The following GREB1L variants were observed in gnomAD, a reference collection of about 807,000 sequenced individuals.
GREB1L encodes GREB1 like retinoic acid receptor coactivator.
Under a neutral mutation model 200.8 loss-of-function variants are expected in GREB1L, and 17 were observed. The ratio of observed to expected loss-of-function variants is 0.08; its 90% CI spans 0.06 to 0.13. The LOEUF is 0.13. Ranked by LOEUF, GREB1L falls within the 10% of genes least tolerant of loss-of-function variation. The pLI is 1.00. For missense variants in GREB1L, 1,657 were observed against 2,367.7 expected (o/e 0.70, Z 6.23); for synonymous variants, 789 against 893.0 (o/e 0.88, Z 2.08).
chr18:21,291,818 G>A (rs922985681), intron 1 of GREB1L, among the ~76,000 whole-genome samples: 53 of 152,232 alleles, frequency 3.5e-4, no homozygotes, highest in African/African-American at 1.2e-3. Context: ...GCCCCTGGCC[G>A]TACGTGCAGG....
intron 8 of GREB1L, among the ~76,000 whole-genome samples, chr18:21,439,850 A>G (rs1336159139): frequency 3.3e-5 from 5 of 152,234 alleles, no homozygotes; most frequent in Non-Finnish European, 5.9e-5. Context: ...TGTTGAAACA[A>G]ATGTATAAGG....
chr18:21,520,706 A>G lies in GREB1L; in HGVS notation c.5491A>G (p.Ser1831Gly). The part of the protein sequence containing the change: ...IGPEVAICYI[S>G]SRPHSSNVNC... Reference sequence around the variant, plus strand: ...ATTTCAGGTGGCCATATGCTATATCAGCTCCAGACCCCACTCCAGCAATGT... The same window carrying G: ...ATTTCAGGTGGCCATATGCTATATCGGCTCCAGACCCCACTCCAGCAATGT... Residue 1831 changes from serine (S) to glycine (G), a missense_variant, in exon 32 of 33, where the codon AGC becomes GGC. Physicochemically the swap from Ser to Gly is moderately conservative, Grantham distance 56. Around this residue, in one of 9 missense-constraint regions of GREB1L, gnomAD observed 190 missense variants for 230.2 expected, o/e 0.83. Coordinates refer to ENST00000424526, the MANE Select transcript of GREB1L (RefSeq NM_001142966.3). 1 of 1,551,642 alleles carries G rather than the reference A, an allele frequency of 6.4e-7. No individual in the cohort carries two copies. The highest frequency in any genetic ancestry group is 8.7e-7 in the Non-Finnish European group (1 of 1,146,972).
intron 4 of GREB1L, among the ~76,000 whole-genome samples, chr18:21,391,099 A>AAAGT (rs1170991138): frequency 2.0e-5 from 3 of 152,250 alleles, no homozygotes; most frequent in Non-Finnish European, 2.9e-5. Context: ...CAGCATTTAC[A>AAAGT]AAGTGTACAG....
chr18:21,445,420 G>T (rs1314011157), intron 11 of GREB1L, among the ~76,000 whole-genome samples: 2 of 152,020 alleles, frequency 1.3e-5, no homozygotes, highest in Non-Finnish European at 2.9e-5. Context: ...GTTGCAGTGA[G>T]CCCAGATCAC....
chr18:21,518,112 C>A lies in GREB1L; in HGVS notation c.5350C>A (p.Pro1784Thr). Reference sequence around the variant, plus strand: ...CAGTGAACACACACTACTGGCAGCCCCTGCACAGTTTCTCCTGGAGAAATT... The same window carrying A: ...CAGTGAACACACACTACTGGCAGCCACTGCACAGTTTCTCCTGGAGAAATT... ...PDSEHTLLAA[P>T]AQFLLEKFLQ... Residue 1784 changes from proline (P) to threonine (T), a missense_variant, in exon 31 of 33, where the codon CCT (proline) becomes ACT (threonine). By Grantham distance (38) the Pro-to-Thr change is conservative. Coordinates refer to ENST00000424526, the MANE Select transcript of GREB1L (RefSeq NM_001142966.3). 6.4e-7 allele frequency: 1 copy of A among 1,551,586 alleles called. No homozygotes were observed. The highest frequency in any genetic ancestry group is 8.7e-7 in the Non-Finnish European group (1 of 1,146,926).
chr18:21,489,434 T>C (rs1202555655), intron 18 of GREB1L, among the ~76,000 whole-genome samples: 1 of 152,210 alleles, frequency 6.6e-6, no homozygotes, highest in Non-Finnish European at 1.5e-5. Flanking sequence ...AATTACCCTT[T>C]TTATGTCTAA....
At chr18:21,252,157 A>G (rs35796589) in intron 1 of GREB1L, among the ~76,000 whole-genome samples, 7,610 of 152,342 alleles carry the variant, frequency 0.05, 236 homozygotes, top group Non-Finnish European at 0.073. Context: ...ATAGTAAACT[A>G]TCACTTGATA....
intron 1 of GREB1L, among the ~76,000 whole-genome samples, chr18:21,295,239 C>T (rs912116016): frequency 3.3e-5 from 5 of 152,146 alleles, no homozygotes; most frequent in African/African-American, 1.2e-4. Flanking sequence ...TGAATGGGCT[C>T]CTGTGACCAT....
rs2040418351 is a variant in GREB1L, at chr18:21,383,694, C to T, written c.157+19C>T. ...TCTGCAGGTAAGTTTCTCAATCACA[C>T]ACATTTCTGGATTCTTTTTTTTTGT... On this transcript the variant is annotated intron_variant, in intron 3 of 32. Transcript: ENST00000424526. 2.6e-6 allele frequency: 4 copies of T among 1,546,414 alleles called. No individual in the cohort carries two copies. The African/African-American group carries it at 4.1e-5, about 16-fold the overall frequency.
At chr18:21,359,399 G>A (rs547994677) in intron 1 of GREB1L, among the ~76,000 whole-genome samples, 4 of 152,240 alleles carry the variant, frequency 2.6e-5, no homozygotes, top group South Asian at 4.2e-4. Context: ...GCAGTGAGCC[G>A]AGATTGTGCC....
chr18:21,370,398 A>C (rs1051161858), intron 2 of GREB1L, among the ~76,000 whole-genome samples: 1 of 152,222 alleles, frequency 6.6e-6, no homozygotes, highest in African/African-American at 2.4e-5. Flanking sequence ...AAGAACAAAA[A>C]TATGTAATAG....
intron 1 of GREB1L, among the ~76,000 whole-genome samples, chr18:21,277,234 A>G (rs1488120986): frequency 2.0e-5 from 3 of 152,082 alleles, no homozygotes; most frequent in Non-Finnish European, 4.4e-5. Flanking sequence ...GGCCCAGCCC[A>G]GCCTTTTGAA....
chr18:21,340,077 A>G (rs1435518531), intron 1 of GREB1L, among the ~76,000 whole-genome samples: 1 of 152,142 alleles, frequency 6.6e-6, no homozygotes, highest in Non-Finnish European at 1.5e-5. Flanking sequence ...ATGCTACAGG[A>G]ATATAATTGT....
chr18:21,428,698 C>T (rs1207832431), intron 7 of GREB1L, among the ~76,000 whole-genome samples: 6 of 134,942 alleles, frequency 4.4e-5, no homozygotes, highest in Admixed American at 2.3e-4. Context: ...ATGGCATGAT[C>T]GCGGTTTATC....
At chr18:21,514,706 G>A (rs1377205023) in intron 28 of GREB1L, among the ~76,000 whole-genome samples, 1 of 152,236 alleles carries the variant, frequency 6.6e-6, no homozygotes, top group African/African-American at 2.4e-5. Context: ...CAAAGTGTTG[G>A]GATTACCAAG....
intron 1 of GREB1L, among the ~76,000 whole-genome samples, chr18:21,338,343 T>G (rs2039218859): frequency 2.0e-5 from 3 of 152,254 alleles, no homozygotes; most frequent in African/African-American, 7.2e-5. Context: ...AAATTCTGAA[T>G]GTAAAGAGTG....
intron 1 of GREB1L, among the ~76,000 whole-genome samples, chr18:21,253,171 T>A (rs1227202710): frequency 6.6e-6 from 1 of 152,216 alleles, no homozygotes. Flanking sequence ...CCTGCATGTT[T>A]TCTGGTTTAC....
At chr18:21,447,892 G>A (rs1378593193) in intron 11 of GREB1L, among the ~76,000 whole-genome samples, 3 of 152,024 alleles carry the variant, frequency 2.0e-5, no homozygotes, top group Non-Finnish European at 4.4e-5. Flanking sequence ...GGCCAGGCAC[G>A]GTGGCTCACA....
chr18:21,412,815 A>C (rs545527949), intron 7 of GREB1L, among the ~76,000 whole-genome samples: 1 of 151,834 alleles, frequency 6.6e-6, no homozygotes, highest in Non-Finnish European at 1.5e-5. Flanking sequence ...GATACATCTC[A>C]ATGAGAATAA....
Sources: gnomAD v4.1 joint callset for allele counts (sites outside exome capture counted in the v4.1 genomes callset) on GRCh38, gnomAD v4.1.1 for gene constraint, gnomAD v4.1.1 regional missense constraint, MANE v1.5 for transcripts, NCBI Gene and HGNC (gene_info 2026-07-23, HGNC 2026-07-21) for gene names.